The following KCNN3 variants were observed in gnomAD, a reference collection of about 807,000 sequenced individuals.
KCNN3 encodes the protein potassium calcium-activated channel subfamily N member 3.
Under a neutral mutation model 62.9 loss-of-function variants are expected in KCNN3, and 16 were observed. That is an observed-to-expected ratio of 0.25 (90% CI 0.17 to 0.39). KCNN3 has a LOEUF of 0.39. KCNN3 is among the 10% of genes least tolerant of loss of function. The pLI, the probability that KCNN3 is intolerant of heterozygous loss-of-function variation, is 1.00. For missense variants in KCNN3, 599 were observed against 949.4 expected (o/e 0.63, Z 4.85); for synonymous variants, 370 against 389.2 (o/e 0.95, Z 0.58).
intron 5 of KCNN3, among the ~76,000 whole-genome samples, chr1:154,717,853 T>C (rs1298568916): frequency 6.6e-6 from 1 of 152,208 alleles, no homozygotes; most frequent in East Asian, 1.9e-4. Flanking sequence ...TTAACTGCAC[T>C]GTGCTTTCCC....
chr1:154,858,313 C>T (rs1002990406), intron 1 of KCNN3, among the ~76,000 whole-genome samples: 1 of 152,188 alleles, frequency 6.6e-6, no homozygotes, highest in South Asian at 2.1e-4. Flanking sequence ...CCCACCATTG[C>T]CCAGCATGGA....
rs942484490 is a variant in KCNN3 at position 154,867,968 on chromosome 1, C to T, written c.933+1064G>A. ...ACCCACCTTCCTCCATCTCCACTCC[C>T]TCTGGGAGGGAAACCCCCTCCTCCG... is the stretch of plus-strand genomic sequence containing the variant. On this transcript the variant is annotated intron_variant, in intron 1 of 7. Coordinates refer to ENST00000271915, the MANE Select transcript of KCNN3 (RefSeq NM_002249.6). 4 of 985,222 alleles carry T rather than the reference C, an allele frequency of 4.1e-6. No homozygotes were observed. The African/African-American group carries it at 5.2e-5, about 13-fold the overall frequency. 61.0% of individuals were successfully genotyped at this position (985,222 alleles called of 1,614,324 possible).
At chr1:154,842,762 C>T (rs982813537) in intron 1 of KCNN3, among the ~76,000 whole-genome samples, 3 of 152,062 alleles carry the variant, frequency 2.0e-5, no homozygotes, top group Non-Finnish European at 4.4e-5. Context: ...TGCTCACCAT[C>T]TGTTTACACT....
In KCNN3 at chr1:154,707,740, G is replaced by T; in HGVS notation, c.*236C>A. On this transcript the variant is annotated 3_prime_UTR_variant, in exon 8 of 8. Coordinates refer to ENST00000271915, the MANE Select transcript of KCNN3 (RefSeq NM_002249.6). ...CAGCAAGGGCCCTGCCAGAGGCGTC[G>T]CTTCCTGTCATCTCCTCTTCCCGCT... The T allele has an allele frequency of 2.0e-6, 1 of 505,448 alleles. No homozygotes were observed. The highest frequency in any genetic ancestry group is 3.5e-6 in the Non-Finnish European group (1 of 289,356). 31.3% of individuals were successfully genotyped at this position (505,448 alleles called of 1,614,324 possible).
chr1:154,868,792 G>C (rs1019296055), intron 1 of KCNN3, among the ~76,000 whole-genome samples: 2 of 151,946 alleles, frequency 1.3e-5, no homozygotes, highest in Non-Finnish European at 2.9e-5. Context: ...GAATTCTCCC[G>C]GGATCAAGAA....
chr1:154,754,548 G>A (rs1041025153), intron 3 of KCNN3, among the ~76,000 whole-genome samples: 3 of 152,144 alleles, frequency 2.0e-5, no homozygotes, highest in African/African-American at 4.8e-5. Flanking sequence ...GTGTTACTTC[G>A]AGGAAATGTC....
intron 2 of KCNN3, among the ~76,000 whole-genome samples, chr1:154,789,120 G>T (rs1222797476): frequency 6.6e-6 from 1 of 152,220 alleles, no homozygotes; most frequent in East Asian, 1.9e-4. Context: ...CCGAAGATCA[G>T]GCGGGGGAAT....
At chr1:154,721,204 G>A (rs1700338935) in intron 5 of KCNN3, among the ~76,000 whole-genome samples, 1 of 152,154 alleles carries the variant, frequency 6.6e-6, no homozygotes, top group Admixed American at 6.5e-5. Context: ...TTGATGTGGA[G>A]AGTAGGTACC....
chr1:154,744,305 T>C (rs1700891307), intron 3 of KCNN3, among the ~76,000 whole-genome samples: 1 of 152,252 alleles, frequency 6.6e-6, no homozygotes, highest in South Asian at 2.1e-4. Context: ...TAAGAGCTGT[T>C]ACCTGATTTT....
intron 2 of KCNN3, among the ~76,000 whole-genome samples, chr1:154,789,826 C>T (rs1557977357): frequency 6.6e-6 from 1 of 152,212 alleles, no homozygotes. Flanking sequence ...TTTACAGAAA[C>T]ACACCATGTA....
At chr1:154,812,814 G>T (rs1412145126) in intron 2 of KCNN3, among the ~76,000 whole-genome samples, 1 of 152,208 alleles carries the variant, frequency 6.6e-6, no homozygotes, top group African/African-American at 2.4e-5. Flanking sequence ...GTGTTTAGGG[G>T]ACAGCCAGCT....
At chr1:154,755,564 A>AAGAG (rs796899396) in intron 3 of KCNN3, among the ~76,000 whole-genome samples, 2 of 101,794 alleles carry the variant, frequency 2.0e-5, no homozygotes, top group African/African-American at 3.6e-5. Context: ...GAAAGAAAGA[A>AAGAG]AGAGAGAGAG....
chr1:154,809,432 T>A lies in KCNN3; in HGVS notation c.1029+12657A>T, dbSNP rs1262572084. On this transcript the variant is annotated intron_variant, in intron 2 of 7. Coordinates refer to ENST00000271915, the MANE Select transcript of KCNN3 (RefSeq NM_002249.6). The surrounding 1 kb of genome is among the most constrained non-coding windows in gnomAD (Gnocchi z 4.3). Reference sequence around the variant, plus strand: ...TGGGAGGGCACATAAAACTACAACCTCACAGGAGGCCACAAAACTTTTAAG... The same window carrying A: ...TGGGAGGGCACATAAAACTACAACCACACAGGAGGCCACAAAACTTTTAAG... Among the ~76,000 whole-genome samples, 2 of 152,158 alleles carry A rather than the reference T, an allele frequency of 1.3e-5. No individual in the cohort carries two copies. The highest frequency in any genetic ancestry group is 4.8e-5 in the African/African-American group (2 of 41,434).
At chr1:154,721,248 C>G (rs1700339942) in intron 5 of KCNN3, among the ~76,000 whole-genome samples, 1 of 151,740 alleles carries the variant, frequency 6.6e-6, no homozygotes, top group South Asian at 2.1e-4. Context: ...TGGTGCCTCC[C>G]AAGCCAAGTG....
At chr1:154,722,888 C>T (rs536526933) in intron 5 of KCNN3, among the ~76,000 whole-genome samples, 7 of 152,098 alleles carry the variant, frequency 4.6e-5, no homozygotes, top group East Asian at 3.9e-4. Flanking sequence ...TGTGCCACCA[C>T]GCCCCACTAA....
In KCNN3 at chr1:154,861,418, A is replaced by C. The variant is rs192501445; in HGVS notation, c.933+7614T>G. On this transcript the variant is annotated intron_variant, in intron 1 of 7. Transcript: ENST00000271915. Reference sequence around the variant, plus strand: ...GGGCCTGTGTTCACTGCCTGCCCAAAGCCTCTCCAGACGAGACAGTCTCCT... The same window carrying C: ...GGGCCTGTGTTCACTGCCTGCCCAACGCCTCTCCAGACGAGACAGTCTCCT... Among the ~76,000 whole-genome samples the C allele has an allele frequency of 3.3e-5, 5 of 152,138 alleles. No homozygotes were observed. In the East Asian group the frequency reaches 9.7e-4, roughly 29 times the overall value.
chr1:154,788,115 C>T (rs927632896), intron 2 of KCNN3, among the ~76,000 whole-genome samples: 2 of 152,168 alleles, frequency 1.3e-5, no homozygotes. Context: ...ATGGGCCTGT[C>T]GGTCACCCTT....
At chr1:154,853,289 C>G (rs1016406306) in intron 1 of KCNN3, among the ~76,000 whole-genome samples, 2 of 152,062 alleles carry the variant, frequency 1.3e-5, no homozygotes, top group Non-Finnish European at 2.9e-5. Flanking sequence ...ATGCCTGGCC[C>G]TAAGCACTTC....
At chr1:154,776,979 G>A (rs769671291) in intron 2 of KCNN3, among the ~76,000 whole-genome samples, 7 of 152,172 alleles carry the variant, frequency 4.6e-5, no homozygotes, top group African/African-American at 7.2e-5. Flanking sequence ...AGAGACAAGC[G>A]CTGTGTCTTC....
Sources: allele counts gnomAD v4.1 joint callset (sites outside exome capture counted in the v4.1 genomes callset), GRCh38; gene constraint gnomAD v4.1.1; non-coding constraint Gnocchi (gnomAD v3.1); transcripts MANE v1.5; gene names NCBI Gene and HGNC (gene_info 2026-07-23, HGNC 2026-07-21).